The following MALRD1 variants were observed in gnomAD, a reference collection of about 807,000 sequenced individuals.
The protein encoded by MALRD1 is MAM and LDL-receptor class A domain-containing protein 1.
Under a neutral mutation model 242.1 loss-of-function variants are expected in MALRD1, and 247 were observed. That is an observed-to-expected ratio of 1.02 (90% confidence interval 0.92 to 1.13). The LOEUF (loss-of-function observed/expected upper bound fraction) is 1.13, where lower values mean the gene tolerates loss of function less well. Ranked by LOEUF, MALRD1 falls within the 50% of genes most tolerant of loss-of-function variation. The pLI is 0.00. For missense variants in MALRD1, 2,989 were observed against 2,533.1 expected (o/e 1.18, Z -3.86); for synonymous variants, 995 against 866.6 (o/e 1.15, Z -2.60).
At chr10:19,707,927 C>T (rs1335316147) in intron 38 of MALRD1, among the ~76,000 whole-genome samples, 2 of 121,098 alleles carry the variant, frequency 1.7e-5, no homozygotes, top group African/African-American at 5.3e-5. Flanking sequence ...TTGGCCACTG[C>T]ACTCTAGCCT....
At chr10:19,408,151 G>A (rs1426740934) in intron 28 of MALRD1, among the ~76,000 whole-genome samples, 2 of 152,174 alleles carry the variant, frequency 1.3e-5, no homozygotes, top group Non-Finnish European at 2.9e-5. Flanking sequence ...GAAGGGAAAG[G>A]AAGAGAAGTT....
At chr10:19,296,747 A>T (rs960108391) in intron 21 of MALRD1, among the ~76,000 whole-genome samples, 5 of 152,068 alleles carry the variant, frequency 3.3e-5, no homozygotes, top group Non-Finnish European at 5.9e-5. Flanking sequence ...GTCTGTTGGA[A>T]GTCCTTCATT....
At chr10:19,483,133 A>T (rs902874757) in intron 29 of MALRD1, among the ~76,000 whole-genome samples, 2 of 151,620 alleles carry the variant, frequency 1.3e-5, no homozygotes, top group Non-Finnish European at 3.0e-5. Context: ...AAATAAGGCC[A>T]CACACATTTT....
intron 26 of MALRD1, among the ~76,000 whole-genome samples, chr10:19,375,940 G>A (rs1368636120): frequency 6.6e-6 from 1 of 152,152 alleles, no homozygotes; most frequent in African/African-American, 2.4e-5. Flanking sequence ...TGGCCAGTGT[G>A]GTGAAACCAT....
chr10:19,568,684 G>C (rs748760189), intron 33 of MALRD1, among the ~76,000 whole-genome samples: 1 of 136,928 alleles, frequency 7.3e-6, no homozygotes, highest in African/African-American at 2.4e-5. Flanking sequence ...ACATTAATAA[G>C]AAAAAAATAT....
At chr10:19,081,133 G>A (rs947318893) in intron 2 of MALRD1, among the ~76,000 whole-genome samples, 3 of 152,096 alleles carry the variant, frequency 2.0e-5, no homozygotes, top group African/African-American at 7.2e-5. Context: ...TAGCCAGGAT[G>A]CAGAGAAAAA....
At chr10:19,686,138 G>A (rs746242434) in intron 36 of MALRD1, among the ~76,000 whole-genome samples, 1 of 151,812 alleles carries the variant, frequency 6.6e-6, no homozygotes, top group Admixed American at 6.6e-5. Context: ...TTTAGAGCAG[G>A]AGTGAAAATT....
intron 38 of MALRD1, among the ~76,000 whole-genome samples, chr10:19,724,090 G>A (rs1207937853): frequency 6.6e-6 from 1 of 152,034 alleles, no homozygotes; most frequent in Non-Finnish European, 1.5e-5. Context: ...TTAAGCTTTT[G>A]AGCTCATTTT....
chr10:19,148,782 A>ATAT (rs1363943174), intron 11 of MALRD1, among the ~76,000 whole-genome samples: 65 of 80,854 alleles, frequency 8.0e-4, no homozygotes, highest in African/African-American at 1.9e-3. Context: ...TTAAAAAAAA[A>ATAT]AAAAAAATAT....
At chr10:19,440,433 G>A (rs1054609690) in intron 28 of MALRD1, among the ~76,000 whole-genome samples, 1 of 151,820 alleles carries the variant, frequency 6.6e-6, no homozygotes, top group African/African-American at 2.4e-5. Flanking sequence ...TCATGTTGGT[G>A]TGCTGCACTC....
chr10:19,590,958 T>G (rs1177461862), intron 33 of MALRD1, among the ~76,000 whole-genome samples: 1 of 152,188 alleles, frequency 6.6e-6, no homozygotes, highest in Non-Finnish European at 1.5e-5. Flanking sequence ...TTCTGTGAAC[T>G]TTGACAAACA....
chr10:19,698,760 G>A (rs79243928), intron 38 of MALRD1, among the ~76,000 whole-genome samples: 1 of 152,164 alleles, frequency 6.6e-6, no homozygotes, highest in Non-Finnish European at 1.5e-5. Context: ...TGCTAGGAGT[G>A]TAAAGACAAT....
At chr10:19,596,097 T>A (rs999665508) in intron 34 of MALRD1, among the ~76,000 whole-genome samples, 1 of 152,184 alleles carries the variant, frequency 6.6e-6, no homozygotes, top group South Asian at 2.1e-4. Flanking sequence ...AAGGCTGTGA[T>A]GATTTGAGCA....
At chr10:19,239,733 C>T (rs1838673811) in intron 18 of MALRD1, among the ~76,000 whole-genome samples, 1 of 152,120 alleles carries the variant, frequency 6.6e-6, no homozygotes, top group Non-Finnish European at 1.5e-5. Context: ...CCAATCTTCT[C>T]AGTACCATTT....
intron 34 of MALRD1, among the ~76,000 whole-genome samples, chr10:19,599,259 G>C (rs1192144226): frequency 6.6e-6 from 1 of 151,980 alleles, no homozygotes. Context: ...GATAATAATT[G>C]ATATTTACAG....
intron 14 of MALRD1, among the ~76,000 whole-genome samples, chr10:19,176,060 C>T (rs79611951): frequency 6.6e-6 from 1 of 152,112 alleles, no homozygotes; most frequent in Admixed American, 6.5e-5. Context: ...CACTCCTACC[C>T]TCAGATCTCA....
chr10:19,571,461 T>G (rs555592637), intron 33 of MALRD1, among the ~76,000 whole-genome samples: 1 of 152,286 alleles, frequency 6.6e-6, no homozygotes, highest in South Asian at 2.1e-4. Context: ...CAAGGAAAAC[T>G]TCATTTCCCA....
chr10:19,647,367 A>C (rs1306375587), intron 36 of MALRD1, among the ~76,000 whole-genome samples: 2 of 152,186 alleles, frequency 1.3e-5, no homozygotes, highest in African/African-American at 4.8e-5. Context: ...TTAGAGGGAA[A>C]CCAAGGTAGA....
chr10:19,694,212 C>G (rs1310341735), intron 38 of MALRD1, among the ~76,000 whole-genome samples: 1 of 152,096 alleles, frequency 6.6e-6, no homozygotes, highest in Non-Finnish European at 1.5e-5. Context: ...CAACAAAAGC[C>G]AAAATTGACA....
Sources: allele counts gnomAD v4.1 joint callset (sites outside exome capture counted in the v4.1 genomes callset), GRCh38; gene constraint gnomAD v4.1.1; transcripts MANE v1.5; gene names NCBI Gene and HGNC (gene_info 2026-07-23, HGNC 2026-07-21).